The following ROBO2 variants were observed in gnomAD, a reference collection of about 807,000 sequenced individuals.
ROBO2 encodes the protein roundabout homolog 2.
ROBO2 carries 53 observed loss-of-function variants against 160.8 expected under a neutral mutation model. The observed-to-expected ratio is 0.33, with a 90% confidence interval of 0.26 to 0.41. The LOEUF is 0.41. ROBO2 is among the 10% of genes least tolerant of loss of function. The pLI, the probability that ROBO2 is intolerant of heterozygous loss-of-function variation, is 1.00. For synonymous variants in ROBO2, 664 were observed against 611.7 expected, an observed-to-expected ratio of 1.09 and a Z score of -1.26; for missense variants, 1,577 against 1,722.4, an observed-to-expected ratio of 0.92 and a Z score of 1.49.
intron 1 of ROBO2, among the ~76,000 whole-genome samples, chr3:77,043,038 T>A (rs2064254558): frequency 1.3e-5 from 2 of 152,186 alleles, no homozygotes; most frequent in Non-Finnish European, 2.9e-5. Flanking sequence ...ACGTTTGACA[T>A]TGGATTGCCT....
chr3:76,656,004 T>G (rs1427845294), intron 2 of ROBO2, among the ~76,000 whole-genome samples: 1 of 152,186 alleles, frequency 6.6e-6, no homozygotes, highest in Non-Finnish European at 1.5e-5. Context: ...TAGATTCTGA[T>G]GCAGATGTTT....
At chr3:77,226,049 T>C (rs988491732) in intron 2 of ROBO2, among the ~76,000 whole-genome samples, 2 of 151,968 alleles carry the variant, frequency 1.3e-5, no homozygotes, top group African/African-American at 4.8e-5. Context: ...GAATGAAAAT[T>C]TAGAGATGCA....
At chr3:76,190,311 T>C (rs1701949255) in intron 2 of ROBO2, among the ~76,000 whole-genome samples, 1 of 152,106 alleles carries the variant, frequency 6.6e-6, no homozygotes, top group Non-Finnish European at 1.5e-5. Flanking sequence ...TGTGTGGCAA[T>C]AGTGAATCTC....
intron 20 of ROBO2, among the ~76,000 whole-genome samples, 191 bp from the exon 22 acceptor site, chr3:77,607,606 GA>G (rs149046009): frequency 6.1e-5 from 9 of 148,528 alleles, no homozygotes; most frequent in South Asian, 2.2e-4. Flanking sequence ...ATGCACTGGG[GA>G]AAAAAAAACA....
chr3:76,787,929 A>G (rs1281761957), intron 2 of ROBO2, among the ~76,000 whole-genome samples: 1 of 151,500 alleles, frequency 6.6e-6, no homozygotes, highest in African/African-American at 2.4e-5. Flanking sequence ...TAGAGCAGAA[A>G]CAGTACCTAA....
chr3:76,571,760 T>C (rs1280331308), intron 2 of ROBO2, among the ~76,000 whole-genome samples: 6 of 152,244 alleles, frequency 3.9e-5, no homozygotes, highest in South Asian at 4.1e-4. Context: ...ATTTCTCCAT[T>C]TTATGTACAG....
intron 2 of ROBO2, among the ~76,000 whole-genome samples, chr3:76,900,386 G>T (rs150953991): frequency 6.6e-6 from 1 of 152,248 alleles, no homozygotes; most frequent in Non-Finnish European, 1.5e-5. Context: ...ACCTTTCCAT[G>T]ACAATTCTCT....
intron 2 of ROBO2, among the ~76,000 whole-genome samples, chr3:76,111,466 C>A (rs981495246): frequency 3.2e-4 from 48 of 152,116 alleles, no homozygotes; most frequent in Non-Finnish European, 5.4e-4. Flanking sequence ...TTTGTGAGGG[C>A]AGCCCTAGGA....
chr3:76,700,855 T>C (rs1290288196), intron 2 of ROBO2, among the ~76,000 whole-genome samples: 1 of 152,170 alleles, frequency 6.6e-6, no homozygotes, highest in Non-Finnish European at 1.5e-5. Flanking sequence ...CTGTGTTATG[T>C]CTGTAATAAT....
At chr3:77,068,144 T>TG (rs2067054084) in intron 1 of ROBO2, among the ~76,000 whole-genome samples, 1 of 152,158 alleles carries the variant, frequency 6.6e-6, no homozygotes, top group Non-Finnish European at 1.5e-5. Context: ...AAGTTGTAAC[T>TG]AAAGGGAAGA....
chr3:76,972,706 A>T (rs1206018889), intron 2 of ROBO2, among the ~76,000 whole-genome samples: 15 of 152,058 alleles, frequency 9.9e-5, no homozygotes, highest in African/African-American at 3.6e-4. Flanking sequence ...AAAATCAAAG[A>T]AAATTAGCCA....
chr3:76,017,492 G>T (rs1472764578), intron 2 of ROBO2, among the ~76,000 whole-genome samples: 1 of 152,112 alleles, frequency 6.6e-6, no homozygotes, highest in Non-Finnish European at 1.5e-5. Flanking sequence ...AAATGGCCAT[G>T]TTATAGTTAT....
In ROBO2 at chr3:77,281,877, A is replaced by G. The variant is rs146808948; in HGVS notation, c.388+183537A>G. Among the ~76,000 whole-genome samples the G allele has an allele frequency of 9.2e-5, 14 of 152,264 alleles. No individual in the cohort carries two copies. The East Asian group carries it at 1.7e-3, about 19-fold the overall frequency. On this transcript the variant is annotated intron_variant, in intron 2 of 25. Transcript: ENST00000461745. ...AGTTCACAATAGGGTAAGCACTTCT[A>G]TGAGAATCTAATGCCGCTGCTGATC...
chr3:76,038,404 A>T (rs2067181613), intron 2 of ROBO2, among the ~76,000 whole-genome samples: 1 of 152,012 alleles, frequency 6.6e-6, no homozygotes, highest in South Asian at 2.1e-4. Flanking sequence ...CAAGAATTAT[A>T]GAGGTGTAAG....
intron 23 of ROBO2, chr3:77,630,972 G>A (rs566299516): frequency 6.7e-6 from 1 of 149,418 alleles, no homozygotes; most frequent in East Asian, 2.0e-4. Flanking sequence ...TTCTTATCTA[G>A]TATAGCATTA....
intron 2 of ROBO2, among the ~76,000 whole-genome samples, chr3:76,275,817 C>G (rs1707884392): frequency 6.6e-6 from 1 of 152,064 alleles, no homozygotes; most frequent in African/African-American, 2.4e-5. Flanking sequence ...CCTAATAATT[C>G]CCACCTGTAA....
chr3:76,787,811 A>G (rs2063090247), intron 2 of ROBO2, among the ~76,000 whole-genome samples: 1 of 151,490 alleles, frequency 6.6e-6, no homozygotes, highest in Non-Finnish European at 1.5e-5. Flanking sequence ...GGTTATAAGA[A>G]AAATTAGTAT....
At chr3:76,195,518 T>A (rs1353907078) in intron 2 of ROBO2, among the ~76,000 whole-genome samples, 2 of 152,202 alleles carry the variant, frequency 1.3e-5, no homozygotes, top group Non-Finnish European at 2.9e-5. Context: ...GTGGTGGTTA[T>A]AGAAGAATGT....
At chr3:76,273,123 A>ATATATG in intron 2 of ROBO2, among the ~76,000 whole-genome samples, 1 of 6,860 alleles carries the variant, frequency 1.5e-4, no homozygotes, top group South Asian at 7.6e-3. Flanking sequence ...ACATATAAAT[A>ATATATG]TATATATATA....
Sources: gnomAD v4.1 joint callset for allele counts (sites outside exome capture counted in the v4.1 genomes callset) on GRCh38, gnomAD v4.1.1 for gene constraint, MANE v1.5 for transcripts, NCBI Gene and HGNC (gene_info 2026-07-23, HGNC 2026-07-21) for gene names.